Variants in CDH13 observed in about 807,000 individuals in gnomAD.
The protein encoded by CDH13 is cadherin 13, also known as cadherin-13.
Under a neutral mutation model 63.8 loss-of-function variants are expected in CDH13, and 24 were observed. The observed-to-expected ratio is 0.38, with a 90% CI of 0.27 to 0.53. The LOEUF is 0.53. Among genes scored for constraint, CDH13 ranks in the 20% least tolerant of loss-of-function variants. The pLI is 0.85. For missense variants in CDH13, 1,049 were observed against 903.1 expected (o/e 1.16, Z -2.07); for synonymous variants, 503 against 355.3 (o/e 1.42, Z -4.67).
At chr16:83,788,357 G>A (rs763555056) in intron 13 of CDH13, among the ~76,000 whole-genome samples, 1 of 151,936 alleles carries the variant, frequency 6.6e-6, no homozygotes, top group African/African-American at 2.4e-5. Flanking sequence ...AGGTGACAGG[G>A]GCCTCTAGCT....
intron 13 of CDH13, among the ~76,000 whole-genome samples, chr16:83,792,251 G>C (rs1916322480): frequency 6.6e-6 from 1 of 152,250 alleles, no homozygotes; most frequent in African/African-American, 2.4e-5. Flanking sequence ...GACAATGACA[G>C]TTGATCCTTG....
intron 10 of CDH13, among the ~76,000 whole-genome samples, chr16:83,686,508 G>A (rs759057095): frequency 2.0e-5 from 3 of 152,104 alleles, no homozygotes; most frequent in Non-Finnish European, 4.4e-5. Flanking sequence ...AACTGCCCAC[G>A]GCATCATGAC....
chr16:82,690,456 G>T (rs909382749), intron 1 of CDH13, among the ~76,000 whole-genome samples: 2 of 152,150 alleles, frequency 1.3e-5, no homozygotes, highest in Non-Finnish European at 2.9e-5. Context: ...GGGCTGGTCT[G>T]TCTTTACACA....
At chr16:82,748,158 G>C (rs1456726871) in intron 1 of CDH13, among the ~76,000 whole-genome samples, 1 of 152,172 alleles carries the variant, frequency 6.6e-6, no homozygotes, top group Non-Finnish European at 1.5e-5. Flanking sequence ...CAGCATCATA[G>C]CTGGGGACTC....
At chr16:83,684,064 C>T (rs566732770) in intron 10 of CDH13, among the ~76,000 whole-genome samples, 1 of 152,272 alleles carries the variant, frequency 6.6e-6, no homozygotes, top group South Asian at 2.1e-4. Flanking sequence ...TGTAACTGAA[C>T]TTGTTAGAAA....
intron 10 of CDH13, among the ~76,000 whole-genome samples, chr16:83,710,859 T>A (rs424623): frequency 0.28 from 42,696 of 152,090 alleles, 6,413 homozygotes; most frequent in Middle Eastern, 0.46. Context: ...CAATGGGAAG[T>A]GCTGGAGCTG....
chr16:82,899,801 C>T (rs2041399155), intron 2 of CDH13, among the ~76,000 whole-genome samples: 1 of 152,148 alleles, frequency 6.6e-6, no homozygotes, highest in Non-Finnish European at 1.5e-5. Flanking sequence ...CAAAGTGAAT[C>T]GCTATGTGTT....
chr16:82,822,950 T>C (rs928195599), intron 1 of CDH13, among the ~76,000 whole-genome samples: 8 of 152,164 alleles, frequency 5.3e-5, no homozygotes, highest in Admixed American at 6.5e-5. Flanking sequence ...CATCTGGAAG[T>C]GCGCTCGCTC....
chr16:82,744,577 C>T (rs1040558393), intron 1 of CDH13, among the ~76,000 whole-genome samples: 2 of 152,062 alleles, frequency 1.3e-5, no homozygotes, highest in Admixed American at 6.6e-5. Context: ...CCCTCAGTTC[C>T]TGTGTATCCT....
chr16:83,356,238 G>A (rs56152393), intron 6 of CDH13, among the ~76,000 whole-genome samples: 5 of 104,828 alleles, frequency 4.8e-5, no homozygotes, highest in African/African-American at 9.5e-5. Context: ...GTGTGTGTGT[G>A]TGTGTGTGTG....
At chr16:83,252,341 G>C (rs1905679305) in intron 5 of CDH13, among the ~76,000 whole-genome samples, 1 of 148,282 alleles carries the variant, frequency 6.7e-6, no homozygotes, top group Non-Finnish European at 1.5e-5. Flanking sequence ...TGCATCTTTA[G>C]GCAAGAATTT....
intron 2 of CDH13, among the ~76,000 whole-genome samples, chr16:82,905,229 GATGGACTTCTTTT>G (rs2041602402): frequency 6.6e-6 from 1 of 152,166 alleles, no homozygotes; most frequent in Non-Finnish European, 1.5e-5. Context: ...TCTCTCTCTA[GATGGACTTCTTTT>G]ATGGGAGATA....
intron 6 of CDH13, among the ~76,000 whole-genome samples, chr16:83,393,951 A>G (rs1457451230): frequency 6.6e-6 from 1 of 152,190 alleles, no homozygotes; most frequent in Non-Finnish European, 1.5e-5. Context: ...GTGCAGGAAC[A>G]TGGATGGACC....
In CDH13 at chr16:83,204,669, G is replaced by T. The variant is rs138011965; in HGVS notation, c.484-12676G>T. Reference sequence around the variant, plus strand: ...TAAACCCTGCTCTGCTAAATACTGTGTGTGTTAATCAGGATAGGTTAGGCT... The same window carrying T: ...TAAACCCTGCTCTGCTAAATACTGTTTGTGTTAATCAGGATAGGTTAGGCT... On this transcript the variant is annotated intron_variant, in intron 4 of 13. Transcript: ENST00000567109. 2.4e-3 allele frequency among the ~76,000 whole-genome samples: 358 copies of T among 152,268 alleles called. 1 individual carries two copies. The highest frequency in any genetic ancestry group is 8.2e-3 in the African/African-American group (341 of 41,554).
At chr16:82,932,035 G>C (rs528322246) in intron 2 of CDH13, among the ~76,000 whole-genome samples, 11 of 152,184 alleles carry the variant, frequency 7.2e-5, no homozygotes, top group South Asian at 2.1e-4. Flanking sequence ...GATAGCTTGT[G>C]GGGGGAAAAT....
intron 1 of CDH13, among the ~76,000 whole-genome samples, chr16:82,800,225 CA>C: frequency 6.6e-6 from 1 of 152,092 alleles, no homozygotes; most frequent in Middle Eastern, 3.4e-3. Flanking sequence ...GAGATTATGA[CA>C]AAAAATAATT....
At chr16:83,499,405 A>T (rs529731256) in intron 7 of CDH13, among the ~76,000 whole-genome samples, 21 of 152,320 alleles carry the variant, frequency 1.4e-4, no homozygotes, top group African/African-American at 5.1e-4. Context: ...AGTGTCTGAG[A>T]TGACCGTCTT....
chr16:83,030,755 A>G (rs901719354), intron 2 of CDH13, among the ~76,000 whole-genome samples: 1 of 151,466 alleles, frequency 6.6e-6, no homozygotes, highest in Non-Finnish European at 1.5e-5. Context: ...CTCTCTCCAC[A>G]CAACAAATCG....
chr16:83,200,089 G>T lies in CDH13; in HGVS notation c.484-17256G>T, dbSNP rs189427553. ...TCATTCCTTACCTGATTCACACGGT[G>T]CTGATACGCTTGTTCAGGGCTGCCT... On this transcript the variant is annotated intron_variant, in intron 4 of 13. Transcript: ENST00000567109. Among the ~76,000 whole-genome samples, 3 of 152,296 alleles carry T rather than the reference G, an allele frequency of 2.0e-5. No individual in the cohort carries two copies. The East Asian group carries it at 5.8e-4, about 30-fold the overall frequency.
Sources: gnomAD v4.1 joint callset for allele counts (sites outside exome capture counted in the v4.1 genomes callset) on GRCh38, gnomAD v4.1.1 for gene constraint, MANE v1.5 for transcripts, NCBI Gene and HGNC (gene_info 2026-07-23, HGNC 2026-07-21) for gene names.